HEPH: variants seen among roughly 807,000 people sequenced by gnomAD.
HEPH encodes hephaestin.
A neutral mutation model predicts 80.8 loss-of-function variants in HEPH; 69 were observed. The ratio of observed to expected loss-of-function variants is 0.85; its 90% CI spans 0.70 to 1.04. The LOEUF is 1.04. Ranked by LOEUF, HEPH falls within the 50% of genes least tolerant of loss-of-function variation. HEPH has a pLI of 0.00. For missense variants in HEPH, 1,115 were observed against 891.3 expected, an observed-to-expected ratio of 1.25 and a Z score of -3.20; for synonymous variants, 431 against 322.8, an observed-to-expected ratio of 1.34 and a Z score of -3.60.
At chrX:66,221,884 A>G (rs1479119810) in intron 15 of HEPH, among the ~76,000 whole-genome samples, 1 of 112,444 alleles carries the variant, frequency 8.9e-6, no homozygotes, top group Non-Finnish European at 1.9e-5. Context: ...TGGGACTCCA[A>G]TTGCATCTAA....
At chrX:66,194,067 TAGG>T (rs1355325367) in intron 8 of HEPH, among the ~76,000 whole-genome samples, 4 of 111,303 alleles carry the variant, frequency 3.6e-5, no homozygotes, top group African/African-American at 9.8e-5. Flanking sequence ...ATACTTGAAA[TAGG>T]AGGAATGCAG....
intron 10 of HEPH, 140 bp downstream of exon 10, chrX:66,198,034 A>G: frequency 4.0e-6 from 2 of 505,602 alleles, no homozygotes; most frequent in Admixed American, 3.3e-5. Flanking sequence ...TCAGAAATTA[A>G]TAGTTGGTGA....
At chrX:66,188,633 T>C (rs2087620707) in intron 5 of HEPH, 92 bp downstream of exon 5, 1 of 719,061 alleles carries the variant, frequency 1.4e-6, no homozygotes, top group East Asian at 3.3e-5. Context: ...TTCACATACA[T>C]AGTCCTTTTT....
chrX:66,265,126 C>T (rs2091495746), intron 20 of HEPH, among the ~76,000 whole-genome samples: 1 of 110,623 alleles, frequency 9.0e-6, no homozygotes, highest in Non-Finnish European at 1.9e-5. Flanking sequence ...AAGTTTTGAG[C>T]TTCTATTTGA....
At chrX:66,164,955 G>T (rs372430376) in intron 1 of HEPH, among the ~76,000 whole-genome samples, 5 of 112,160 alleles carry the variant, frequency 4.5e-5, no homozygotes, top group South Asian at 7.4e-4. Context: ...AAATCTTTTA[G>T]AAATCATTGG....
intron 11 of HEPH, chrX:66,200,324 G>A (rs1294282095): frequency 7.3e-6 from 3 of 408,495 alleles, no homozygotes; most frequent in South Asian, 4.1e-5. Flanking sequence ...CATGGTGGAG[G>A]TGAGGCCAGA....
At chrX:66,202,619 A>G (rs1389132035) in intron 12 of HEPH, among the ~76,000 whole-genome samples, 1 of 110,731 alleles carries the variant, frequency 9.0e-6, no homozygotes, top group Non-Finnish European at 1.9e-5. Flanking sequence ...ATCCCTCTGC[A>G]ATCAAGACAT....
intron 15 of HEPH, among the ~76,000 whole-genome samples, chrX:66,231,533 G>A (rs1330601734): frequency 8.2e-5 from 9 of 110,128 alleles, no homozygotes; most frequent in Admixed American, 3.9e-4. Flanking sequence ...TATTTTCTTT[G>A]AAGCAATTGT....
chrX:66,223,691 T>A (rs1477479926), intron 15 of HEPH, among the ~76,000 whole-genome samples: 15 of 112,100 alleles, frequency 1.3e-4, no homozygotes, highest in Non-Finnish European at 1.1e-4. Flanking sequence ...AGATTTTTTT[T>A]ATAATTAACA....
At chrX:66,217,774 C>T (rs777566502) in intron 15 of HEPH, among the ~76,000 whole-genome samples, 1 of 111,678 alleles carries the variant, frequency 9.0e-6, no homozygotes, top group African/African-American at 3.3e-5. Flanking sequence ...AACTAAGTAT[C>T]TACTGTCTTC....
chrX:66,263,839 G>A (rs774706186), intron 20 of HEPH, 151 bp downstream of exon 20: 4 of 530,723 alleles, frequency 7.5e-6, no homozygotes, highest in Non-Finnish European at 1.2e-5. Flanking sequence ...GACTTCAGAA[G>A]CCAAAGAACC....
At chrX:66,239,712 C>A (rs904106614) in intron 15 of HEPH, among the ~76,000 whole-genome samples, 1 of 111,928 alleles carries the variant, frequency 8.9e-6, no homozygotes, top group Non-Finnish European at 1.9e-5. Context: ...AGAAAGGACA[C>A]ACTCTTCTAA....
At position 66,195,215 on chromosome X, in the gene HEPH, C is replaced by G. The variant is rs973892546; in HGVS notation, c.1487C>G (p.Thr496Ser). Residue 496 changes from threonine to serine, a missense_variant, in exon 9 of 21, where the codon ACT becomes AGT. This residue lies in a region of HEPH where 716 missense variants were observed against 523.5 expected (regional missense o/e 1.37). Coordinates refer to ENST00000343002, the MANE Select transcript of HEPH (RefSeq NM_001367233.3). ...GVFYEKDYEG[T>S]VYNDGSSYPG... ...TTTTATGAGAAAGACTATGAAGGCA[C>G]TGTGTACAATGATGGTGAGCCAACA... 24 of 1,188,222 alleles carry G rather than the reference C, an allele frequency of 2.0e-5. No individual in the cohort carries two copies. Among genetic ancestry groups the G allele is most frequent in the Admixed American group, 2.3e-5 (1 of 43,271 alleles).
At chrX:66,219,082 T>C (rs1372940520) in intron 15 of HEPH, among the ~76,000 whole-genome samples, 2 of 112,241 alleles carry the variant, frequency 1.8e-5, no homozygotes, top group Non-Finnish European at 3.8e-5. Flanking sequence ...CTATGTCTTC[T>C]TGCAAGACAG....
At chrX:66,163,961 A>C (rs757237088), upstream of HEPH, among the ~76,000 whole-genome samples, 1 of 112,231 alleles carries the variant, frequency 8.9e-6, no homozygotes, top group East Asian at 2.8e-4. Flanking sequence ...AGGGCTGACA[A>C]TTGTGCTTCA....
At chrX:66,174,325 G>T (rs1262208976) in intron 4 of HEPH, among the ~76,000 whole-genome samples, 1 of 111,675 alleles carries the variant, frequency 9.0e-6, no homozygotes, top group Non-Finnish European at 1.9e-5. Context: ...TCAGGTCGCT[G>T]CAGATGCCGT....
chrX:66,195,213 C>T lies in HEPH; in HGVS notation c.1485C>T (p.Gly495=), dbSNP rs1196452884. 8.4e-7 allele frequency: 1 copy of T among 1,190,958 alleles called. No homozygotes were observed. The highest frequency in any genetic ancestry group is 1.9e-5 in the South Asian group (1 of 52,294). Residue 495 remains glycine (G), a synonymous_variant, in exon 9 of 21, where the codon GGC becomes GGT. Transcript: ENST00000343002. ...HGVFYEKDYE[G]TVYNDGSSYP... is the part of the protein sequence containing the mutation. ...TCTTTTATGAGAAAGACTATGAAGG[C>T]ACTGTGTACAATGATGGTGAGCCAA...
At position 66,266,663 on chromosome X, in the gene HEPH, C is replaced by G; in HGVS notation, c.3468C>G (p.Phe1156Leu). Residue 1156 changes from phenylalanine (F) to leucine (L), a missense_variant, in exon 21 of 21, where the codon TTC becomes TTG. Transcript: ENST00000343002. ...ATGACAGCTTCAAGCTTCTGTCTTT[C>G]AAACAGTAACATCTGGAGCCTGGAG... ...ILDDSFKLLS[F>L]KQ is the part of the protein sequence containing the mutation. 8.5e-7 allele frequency: 1 copy of G among 1,182,355 alleles called. No individual in the cohort carries two copies. The highest frequency in any genetic ancestry group is 1.1e-6 in the Non-Finnish European group (1 of 869,948).
intron 5 of HEPH, 40 bp from the exon 6 acceptor site, chrX:66,189,644 T>C: frequency 5.9e-6 from 7 of 1,190,337 alleles, no homozygotes; most frequent in Non-Finnish European, 7.9e-6. Flanking sequence ...TTGGCTGTCC[T>C]TTCCTAATCC....
Sources: gnomAD v4.1 joint callset for allele counts (sites outside exome capture counted in the v4.1 genomes callset) on GRCh38, gnomAD v4.1.1 for gene constraint, gnomAD v4.1.1 regional missense constraint, MANE v1.5 for transcripts, NCBI Gene and HGNC (gene_info 2026-07-23, HGNC 2026-07-21) for gene names.